CDC42EP4: variants seen among roughly 807,000 people sequenced by gnomAD.
CDC42EP4 encodes the protein CDC42 effector protein (Rho GTPase binding) 4.
CDC42EP4 carries 6 observed loss-of-function variants against 5.6 expected under a neutral mutation model. That is an observed-to-expected ratio of 1.07 (90% confidence interval 0.59 to 2.12). The LOEUF (loss-of-function observed/expected upper bound fraction) is 2.12, where lower values mean the gene tolerates loss of function less well. Among genes scored for constraint, CDC42EP4 ranks in the 30% most tolerant of loss-of-function variants. CDC42EP4 has a pLI of 0.00. For missense variants in CDC42EP4, 490 were observed against 508.6 expected, an observed-to-expected ratio of 0.96 and a Z score of 0.35; for synonymous variants, 230 against 224.2, an observed-to-expected ratio of 1.03 and a Z score of -0.23.
chr17:73,305,069 A>G (rs1318632855), intron 1 of CDC42EP4, among the ~76,000 whole-genome samples: 2 of 152,350 alleles, frequency 1.3e-5, no homozygotes, highest in Middle Eastern at 6.8e-3. Context: ...CCTGGGAATT[A>G]GAACAGCACA....
chr17:73,296,980 CAA>C (rs35158994), intron 1 of CDC42EP4, among the ~76,000 whole-genome samples: 345 of 18,132 alleles, frequency 0.019, 9 homozygotes, highest in South Asian at 0.056. Context: ...GACTCCGTCT[CAA>C]AAAAAAAAAA....
At chr17:73,296,463 A>T (rs945215251) in intron 1 of CDC42EP4, among the ~76,000 whole-genome samples, 1 of 151,178 alleles carries the variant, frequency 6.6e-6, no homozygotes, top group Admixed American at 6.6e-5. Flanking sequence ...CCTAATGCCC[A>T]GTGATGGAGG....
chr17:73,285,387 G>T lies in CDC42EP4; in HGVS notation c.*43C>A. The T allele has an allele frequency of 1.4e-6, 2 of 1,460,182 alleles. No individual in the cohort carries two copies. The highest frequency in any genetic ancestry group is 9.3e-7 in the Non-Finnish European group (1 of 1,074,414). The allele number at this position is 1,460,182 out of a possible 1,614,324, so 90.5% of individuals were successfully genotyped here. Reference sequence around the variant, plus strand: ...GGTCATAGTGGGGTGGGGGCAGGGAGAAGATGCAGCCAAGAGCTCCCGGTG... The same window carrying T: ...GGTCATAGTGGGGTGGGGGCAGGGATAAGATGCAGCCAAGAGCTCCCGGTG... On this transcript the variant is annotated 3_prime_UTR_variant, in exon 2 of 2. Coordinates refer to ENST00000335793, the MANE Select transcript of CDC42EP4 (RefSeq NM_012121.5). The surrounding 1 kb of genome is among the most constrained non-coding windows in gnomAD (Gnocchi z 6.8).
chr17:73,298,723 G>A (rs1395400760), intron 1 of CDC42EP4, among the ~76,000 whole-genome samples: 3 of 152,150 alleles, frequency 2.0e-5, no homozygotes, highest in Non-Finnish European at 1.5e-5. Context: ...TCAAGAGTCA[G>A]AGAAACAGGC....
intron 1 of CDC42EP4, among the ~76,000 whole-genome samples, chr17:73,287,292 C>T (rs892859035): frequency 9.2e-5 from 14 of 152,122 alleles, no homozygotes; most frequent in African/African-American, 2.4e-4. Flanking sequence ...ATGAGGATCC[C>T]GCCTGTGACG....
Position 73,284,602 on chromosome 17 carries a change from A to G in CDC42EP4, c.*828T>C, listed in dbSNP as rs1256669348. The G allele has an allele frequency of 6.6e-6, 1 of 152,186 alleles. No individual in the cohort carries two copies. The highest frequency in any genetic ancestry group is 2.4e-5 in the African/African-American group (1 of 41,450). The allele number at this position is 152,186 out of a possible 1,614,324, so 9.4% of individuals were successfully genotyped here. A position where few individuals can be genotyped will look rare whatever the true frequency, so the allele number is the denominator to read the frequency against. ...GAATTTTGAAGAGGAGGCTTAGTATAAAGGTTTTCTAAAAGGATTGATTCT... is the reference window on the plus strand; with the variant it reads ...GAATTTTGAAGAGGAGGCTTAGTATGAAGGTTTTCTAAAAGGATTGATTCT... On this transcript the variant is annotated 3_prime_UTR_variant, in exon 2 of 2. Transcript: ENST00000335793.
intron 1 of CDC42EP4, among the ~76,000 whole-genome samples, chr17:73,293,743 C>A (rs1265803017): frequency 6.6e-6 from 1 of 152,172 alleles, no homozygotes; most frequent in African/African-American, 2.4e-5. Context: ...GGAACACTCA[C>A]CAGCCTTACC....
intron 1 of CDC42EP4, among the ~76,000 whole-genome samples, chr17:73,304,755 A>C (rs182246060): frequency 6.6e-6 from 1 of 152,278 alleles, no homozygotes; most frequent in East Asian, 1.9e-4. Flanking sequence ...GAGTACACAC[A>C]GGATACGCAG....
At chr17:73,309,988 GA>G (rs1461169614) in intron 1 of CDC42EP4, 1 of 152,424 alleles carries the variant, frequency 6.6e-6, no homozygotes, top group Non-Finnish European at 1.5e-5. Flanking sequence ...ATGAGAGCAG[GA>G]ACCGGCAGGG....
intron 1 of CDC42EP4, among the ~76,000 whole-genome samples, chr17:73,296,229 C>A (rs199545452): frequency 6.5e-4 from 90 of 138,416 alleles, no homozygotes; most frequent in East Asian, 8.5e-4. Context: ...ACTAAAAATA[C>A]AAAAAAAAAA....
At chr17:73,310,604 GGC>G (rs1460048153) in intron 1 of CDC42EP4, among the ~76,000 whole-genome samples, 1 of 152,098 alleles carries the variant, frequency 6.6e-6, no homozygotes, top group Non-Finnish European at 1.5e-5. Context: ...AAGTTCCAGA[GGC>G]AACGAGAAAA....
intron 1 of CDC42EP4, among the ~76,000 whole-genome samples, chr17:73,290,830 G>A (rs989224892): frequency 2.6e-5 from 4 of 152,194 alleles, no homozygotes; most frequent in African/African-American, 9.7e-5. Flanking sequence ...GTCAGGTCCT[G>A]TGGTTTCCCG....
At chr17:73,295,599 C>T (rs950511595) in intron 1 of CDC42EP4, among the ~76,000 whole-genome samples, 3 of 152,120 alleles carry the variant, frequency 2.0e-5, no homozygotes, top group East Asian at 3.9e-4. Context: ...CAAATAATGG[C>T]TTTAAAATAA....
At chr17:73,310,743 T>TCACACACACACACA (rs57841496) in intron 1 of CDC42EP4, 18 of 134,626 alleles carry the variant, frequency 1.3e-4, no homozygotes, top group Non-Finnish European at 2.1e-4. Context: ...CCTCCCCCAG[T>TCACACACACACACA]CACACACACA....
intron 1 of CDC42EP4, among the ~76,000 whole-genome samples, chr17:73,299,594 G>A (rs1026476208): frequency 6.6e-6 from 1 of 152,010 alleles, no homozygotes; most frequent in African/African-American, 2.4e-5. Flanking sequence ...ACGAACCGTT[G>A]CACCCCACAC....
At chr17:73,302,536 G>A (rs542753497) in intron 1 of CDC42EP4, among the ~76,000 whole-genome samples, 4 of 151,962 alleles carry the variant, frequency 2.6e-5, no homozygotes, top group African/African-American at 9.7e-5. Flanking sequence ...AAGTACAGTG[G>A]CACAATTACA....
intron 1 of CDC42EP4, among the ~76,000 whole-genome samples, chr17:73,305,572 C>G (rs572477078): frequency 6.6e-6 from 1 of 152,332 alleles, no homozygotes; most frequent in South Asian, 2.1e-4. Context: ...TTGGCCCTGC[C>G]GGAAGTTGGG....
intron 1 of CDC42EP4, among the ~76,000 whole-genome samples, chr17:73,291,819 C>G (rs2062162805): frequency 6.6e-6 from 1 of 152,190 alleles, no homozygotes; most frequent in Admixed American, 6.5e-5. Context: ...CCTCAGCCCA[C>G]TGACCACGGA....
At chr17:73,311,782 C>T (rs915806908) in intron 1 of CDC42EP4, 111 bp downstream of exon 1, 1 of 152,130 alleles carries the variant, frequency 6.6e-6, no homozygotes, top group Non-Finnish European at 1.5e-5. Flanking sequence ...GCCTCGCATC[C>T]CCAGCTTCGA....
Sources: gnomAD v4.1 joint callset for allele counts (sites outside exome capture counted in the v4.1 genomes callset) on GRCh38, gnomAD v4.1.1 for gene constraint, Gnocchi (gnomAD v3.1) non-coding constraint, MANE v1.5 for transcripts, NCBI Gene and HGNC (gene_info 2026-07-23, HGNC 2026-07-21) for gene names.